DSCAML1: variants seen among roughly 807,000 people sequenced by gnomAD.
DSCAML1 encodes the protein cell adhesion molecule DSCAML1.
Under a neutral mutation model 200.5 loss-of-function variants are expected in DSCAML1, and 38 were observed. That is an observed-to-expected ratio of 0.19 (90% confidence interval 0.15 to 0.25). DSCAML1 has a LOEUF of 0.25. Ranked by LOEUF, DSCAML1 falls within the 10% of genes least tolerant of loss-of-function variation. The pLI, the probability that DSCAML1 is intolerant of heterozygous loss-of-function variation, is 1.00. For synonymous variants in DSCAML1, 1,215 were observed against 1,165.0 expected (o/e 1.04, Z -0.87); for missense variants, 2,223 against 2,858.8 (o/e 0.78, Z 5.07).
chr11:117,740,038 T>C (rs1363150494), intron 3 of DSCAML1, among the ~76,000 whole-genome samples: 1 of 152,124 alleles, frequency 6.6e-6, no homozygotes, highest in Non-Finnish European at 1.5e-5. Flanking sequence ...TGGGTAGAGA[T>C]TCCCAAAAGG....
In DSCAML1 at chr11:117,498,948, AAG is replaced by A. The variant is rs997059557; in HGVS notation, c.2359+4895_2359+4896del. Among the ~76,000 whole-genome samples the A allele has an allele frequency of 6.6e-6, 1 of 152,328 alleles. No homozygotes were observed. Among genetic ancestry groups the A allele is most frequent in the African/African-American group, 2.4e-5 (1 of 41,572 alleles). On this transcript the variant is annotated intron_variant, in intron 11 of 32. Transcript: ENST00000651296. The surrounding 1 kb of genome is among the most constrained non-coding windows in gnomAD (Gnocchi z 4.0). ...AATCACTGGTGCCTTCGCAGAGTGG[AAG>A]AGAGTCTGGGAGGTCCAACGAGACC...
At chr11:117,593,065 A>G (rs1394252728) in intron 3 of DSCAML1, among the ~76,000 whole-genome samples, 5 of 152,248 alleles carry the variant, frequency 3.3e-5, no homozygotes, top group Non-Finnish European at 7.3e-5. Flanking sequence ...AGTTCCTGGC[A>G]CTTACGGGGC....
intron 8 of DSCAML1, among the ~76,000 whole-genome samples, chr11:117,514,578 T>C (rs59768137): frequency 0.012 from 615 of 52,866 alleles, 10 homozygotes; most frequent in African/African-American, 0.017. Context: ...TTTTCTTTTT[T>C]TTTTTTTTTT....
In DSCAML1 at chr11:117,524,928, A is replaced by G. The variant is rs1341393118; in HGVS notation, c.814T>C (p.Trp272Arg). Reference protein sequence around the residue: ...DGRPLPADSRWTKRITGLTIS... With the variant: ...DGRPLPADSRRTKRITGLTIS... ...GTCAGCCCTGTGATGCGCTTGGTCCAGCGGCTGTCAGCCGGGAGGGGCCGG... is the reference window on the plus strand; with the variant it reads ...GTCAGCCCTGTGATGCGCTTGGTCCGGCGGCTGTCAGCCGGGAGGGGCCGG... The change falls in exon 5 of 33, where the codon TGG (tryptophan) becomes CGG (arginine). Residue 272 changes from tryptophan (W) to arginine (R), a missense_variant. Around this residue, in one of 7 missense-constraint regions of DSCAML1, gnomAD observed 579 missense variants for 721.5 expected, o/e 0.80. Coordinates refer to ENST00000651296, the MANE Select transcript of DSCAML1 (RefSeq NM_020693.4). 1.2e-6 allele frequency: 2 copies of G among 1,613,526 alleles called. No individual in the cohort carries two copies. Among genetic ancestry groups the G allele is most frequent in the Non-Finnish European group, 1.7e-6 (2 of 1,179,894 alleles).
At chr11:117,788,308 G>GTTTTGT (rs536848160) in intron 1 of DSCAML1, among the ~76,000 whole-genome samples, 3 of 152,186 alleles carry the variant, frequency 2.0e-5, no homozygotes, top group Admixed American at 6.5e-5. Context: ...TGTTGTTGTT[G>GTTTTGT]TTTTGTTTTT....
At chr11:117,509,868 G>A (rs1004692505) in intron 8 of DSCAML1, among the ~76,000 whole-genome samples, 1 of 152,226 alleles carries the variant, frequency 6.6e-6, no homozygotes, top group African/African-American at 2.4e-5. Flanking sequence ...CCTCTTTACT[G>A]TGGAGTCCAG....
At chr11:117,795,877 C>T (rs1310322227) in intron 1 of DSCAML1, among the ~76,000 whole-genome samples, 11 of 152,138 alleles carry the variant, frequency 7.2e-5, no homozygotes, top group Non-Finnish European at 1.0e-4. Context: ...TTAAGAGTTG[C>T]CGCCCGGCCA....
intron 3 of DSCAML1, among the ~76,000 whole-genome samples, chr11:117,752,385 AAC>A (rs1405299290): frequency 6.6e-6 from 1 of 152,186 alleles, no homozygotes; most frequent in Non-Finnish European, 1.5e-5. Context: ...GGGGCTGGGG[AAC>A]ACACAATTTT....
intron 3 of DSCAML1, among the ~76,000 whole-genome samples, chr11:117,533,401 A>G (rs1005399084): frequency 6.6e-6 from 1 of 152,218 alleles, no homozygotes; most frequent in African/African-American, 2.4e-5. Flanking sequence ...GTCCTTCTGC[A>G]TGGAATTATA....
Position 117,687,426 on chromosome 11 carries a change from A to ATTTTTTTTTTTTTTTTTTTTTTTTTTTT in DSCAML1, c.511+89364_511+89365insAAAAAAAAAAAAAAAAAAAAAAAAAAAA, listed in dbSNP as rs71037492. Among the ~76,000 whole-genome samples the ATTTTTTTTTTTTTTTTTTTTTTTTTTTT allele has an allele frequency of 2.3e-4, 22 of 97,648 alleles. 3 individuals carry two copies. Among genetic ancestry groups the ATTTTTTTTTTTTTTTTTTTTTTTTTTTT allele is most frequent in the East Asian group, 5.9e-4 (2 of 3,410 alleles). 64.1% of individuals were successfully genotyped at this position (97,648 alleles called of 152,430 possible). On this transcript the variant is annotated intron_variant, in intron 3 of 32. Transcript: ENST00000651296. ...CAGGTGTGCTCCACCATGCCTGGCTATTTTTTTTTTTTTTTTTTTTTTAGA... is the reference window on the plus strand; with the variant it reads ...CAGGTGTGCTCCACCATGCCTGGCTATTTTTTTTTTTTTTTTTTTTTTTTTTTTTTTTTTTTTTTTTTTTTTTTTTAGA...
intron 3 of DSCAML1, among the ~76,000 whole-genome samples, chr11:117,593,222 GGCTCAGT>G (rs531493255): frequency 3.7e-4 from 57 of 152,338 alleles, no homozygotes; most frequent in Non-Finnish European, 7.1e-4. Context: ...CAGACTCACA[GGCTCAGT>G]GCAGAAGAAA....
At chr11:117,747,697 G>A (rs1354137811) in intron 3 of DSCAML1, among the ~76,000 whole-genome samples, 3 of 152,158 alleles carry the variant, frequency 2.0e-5, no homozygotes, top group Non-Finnish European at 4.4e-5. Flanking sequence ...CAACCTCAGA[G>A]AGACCGCCTG....
At position 117,437,114 on chromosome 11, in the gene DSCAML1, C is replaced by T. The variant is rs768107854; in HGVS notation, c.4720+8G>A. The T allele has an allele frequency of 8.7e-6, 14 of 1,608,582 alleles. No individual in the cohort carries two copies. Among genetic ancestry groups the T allele is most frequent in the Admixed American group, 5.0e-5 (3 of 59,864 alleles). ...CTCTGTACCATCCCTTCCACCCTTG[C>T]GACTCACTGCCATCGTAGTCCAGGG... On this transcript the variant is annotated splice_region_variant and intron_variant, in intron 26 of 32. Coordinates refer to ENST00000651296, the MANE Select transcript of DSCAML1 (RefSeq NM_020693.4). This position sits in a 1 kb window ranked among gnomAD's most constrained non-coding sequence, Gnocchi z 5.3.
rs140512478 is a variant in DSCAML1 at position 117,502,980 on chromosome 11, T to C, written c.2359+865A>G. Among the ~76,000 whole-genome samples, 245 of 152,270 alleles carry C rather than the reference T, an allele frequency of 1.6e-3. 1 individual carries two copies. The highest frequency in any genetic ancestry group is 5.4e-3 in the African/African-American group (226 of 41,548). On this transcript the variant is annotated intron_variant, in intron 11 of 32. Coordinates refer to ENST00000651296, the MANE Select transcript of DSCAML1 (RefSeq NM_020693.4). ...TCAGACGCTAACACTCAGGCCCTTA[T>C]AGCCATGTCTTGACATGGGGCCAGA...
intron 3 of DSCAML1, among the ~76,000 whole-genome samples, chr11:117,565,001 G>A (rs559757896): frequency 8.5e-5 from 13 of 152,154 alleles, no homozygotes; most frequent in Non-Finnish European, 1.5e-4. Context: ...CCTGACCTCA[G>A]GTGATCTGCC....
intron 3 of DSCAML1, among the ~76,000 whole-genome samples, chr11:117,596,387 GA>G (rs576749301): frequency 0.19 from 26,176 of 138,312 alleles, 2,841 homozygotes; most frequent in African/African-American, 0.33. Context: ...TTCTTCTCAG[GA>G]AAAAAAAAAA....
intron 3 of DSCAML1, among the ~76,000 whole-genome samples, chr11:117,557,357 C>T (rs2050577005): frequency 6.6e-6 from 1 of 152,192 alleles, no homozygotes; most frequent in South Asian, 2.1e-4. Context: ...AAAGAAGGCT[C>T]CACCCTGCTC....
intron 3 of DSCAML1, among the ~76,000 whole-genome samples, chr11:117,633,259 C>A (rs752886016): frequency 6.6e-6 from 1 of 152,152 alleles, no homozygotes; most frequent in Non-Finnish European, 1.5e-5. Flanking sequence ...ACCTGGGCAA[C>A]CTTTGCCTGA....
intron 3 of DSCAML1, among the ~76,000 whole-genome samples, chr11:117,542,566 C>CCT (rs1228390904): frequency 2.6e-5 from 4 of 152,174 alleles, no homozygotes; most frequent in African/African-American, 9.7e-5. Flanking sequence ...CTTTTAGGTA[C>CCT]CTCTCTCCAA....
Sources: allele counts gnomAD v4.1 joint callset (sites outside exome capture counted in the v4.1 genomes callset), GRCh38; gene constraint gnomAD v4.1.1; regional missense constraint gnomAD v4.1.1; non-coding constraint Gnocchi (gnomAD v3.1); transcripts MANE v1.5; gene names NCBI Gene and HGNC (gene_info 2026-07-23, HGNC 2026-07-21).